RNF217: variants seen among roughly 807,000 people sequenced by gnomAD.
RNF217 encodes the protein ring finger protein 217.
In RNF217, 31 loss-of-function variants were observed where a neutral mutation model predicts 57.8. That is an observed-to-expected ratio of 0.54 (90% confidence interval 0.40 to 0.72). The LOEUF is 0.72. RNF217 is among the 30% of genes least tolerant of loss of function. The probability of loss-of-function intolerance (pLI) is 0.00; values close to 1 mark genes in which losing one functional copy is unlikely to be tolerated. For missense variants in RNF217, 696 were observed against 708.3 expected (o/e 0.98, Z 0.20); for synonymous variants, 313 against 294.0 (o/e 1.06, Z -0.66).
At chr6:125,047,935 T>C (rs1037684927) in intron 2 of RNF217, among the ~76,000 whole-genome samples, 6 of 152,124 alleles carry the variant, frequency 3.9e-5, no homozygotes, top group Admixed American at 3.9e-4. Context: ...TACTCTTCTT[T>C]ACTAGTGTAG....
At chr6:125,027,872 TGTA>T (rs1786175351) in intron 1 of RNF217, among the ~76,000 whole-genome samples, 1 of 152,200 alleles carries the variant, frequency 6.6e-6, no homozygotes, top group African/African-American at 2.4e-5. Context: ...CGGTATCTCT[TGTA>T]GTTTTGATTT....
At chr6:125,081,122 TC>T (rs548603868) in intron 4 of RNF217, among the ~76,000 whole-genome samples, 2 of 152,030 alleles carry the variant, frequency 1.3e-5, no homozygotes, top group Non-Finnish European at 2.9e-5. Context: ...ATGGAAAGGA[TC>T]TTAAGGAAAA....
At chr6:124,970,313 G>A (rs936753862) in intron 1 of RNF217, among the ~76,000 whole-genome samples, 3 of 152,188 alleles carry the variant, frequency 2.0e-5, no homozygotes, top group Non-Finnish European at 2.9e-5. Context: ...AGACAATACA[G>A]TTCAGACTAG....
chr6:125,019,573 A>G (rs1487799840), intron 1 of RNF217, among the ~76,000 whole-genome samples: 2 of 152,186 alleles, frequency 1.3e-5, no homozygotes, highest in Non-Finnish European at 2.9e-5. Context: ...CTAATTACAA[A>G]TTAATTTTTA....
At chr6:125,053,473 A>G (rs111520357) in intron 2 of RNF217, among the ~76,000 whole-genome samples, 1,635 of 152,238 alleles carry the variant, frequency 0.011, 22 homozygotes, top group African/African-American at 0.033. Flanking sequence ...TTGCAGTGCT[A>G]CTTTACACAT....
intron 1 of RNF217, among the ~76,000 whole-genome samples, chr6:125,013,304 G>T (rs1433012865): frequency 2.6e-5 from 4 of 151,350 alleles, no homozygotes; most frequent in African/African-American, 9.7e-5. Flanking sequence ...TAAGAGGAAG[G>T]GTAGGAATAG....
At position 125,081,603 on chromosome 6, in the gene RNF217, G is replaced by A; in HGVS notation, c.1555+96G>A. ...AATAATATGAATCAGTTATTAAGTGGACATAATTTATGTTGTATGCCTGCT... is the reference window on the plus strand; with the variant it reads ...AATAATATGAATCAGTTATTAAGTGAACATAATTTATGTTGTATGCCTGCT... On this transcript the variant is annotated intron_variant, in intron 5 of 5. Transcript: ENST00000521654. The A allele has an allele frequency of 4.0e-6, 4 of 992,840 alleles. No homozygotes were observed. The South Asian group carries it at 6.1e-5, about 15-fold the overall frequency. The allele number at this position is 992,840 out of a possible 1,614,324, so 61.5% of individuals were successfully genotyped here.
intron 1 of RNF217, among the ~76,000 whole-genome samples, chr6:125,030,356 A>T (rs113064255): frequency 0.011 from 1,620 of 152,222 alleles, 36 homozygotes; most frequent in African/African-American, 0.038. Context: ...GTCTTAACTC[A>T]TTTCAGCATT....
At chr6:125,079,955 G>A (rs1788513841) in intron 4 of RNF217, among the ~76,000 whole-genome samples, 1 of 151,884 alleles carries the variant, frequency 6.6e-6, no homozygotes, top group African/African-American at 2.4e-5. Flanking sequence ...TTTTGAACAT[G>A]GATTACATAA....
At chr6:125,009,453 A>G (rs1785334637) in intron 1 of RNF217, 2 of 498,944 alleles carry the variant, frequency 4.0e-6, no homozygotes, top group South Asian at 4.3e-5. Context: ...ATCTCTTTCT[A>G]GAAAGAATGT....
chr6:125,003,898 C>T (rs960173723), intron 1 of RNF217, among the ~76,000 whole-genome samples: 18 of 151,988 alleles, frequency 1.2e-4, no homozygotes, highest in African/African-American at 3.4e-4. Flanking sequence ...GGTTCAGATA[C>T]GTTAGGGAAG....
chr6:125,063,778 A>C lies in RNF217; in HGVS notation c.1281+5672A>C, dbSNP rs116792511. Reference sequence around the variant, plus strand: ...TAATTACCACCATTTCAAGATGCAGAACCAGTTTCAGAGAGTTTAAGTAAT... The same window carrying C: ...TAATTACCACCATTTCAAGATGCAGCACCAGTTTCAGAGAGTTTAAGTAAT... On this transcript the variant is annotated intron_variant, in intron 3 of 5. Coordinates refer to ENST00000521654, the MANE Select transcript of RNF217 (RefSeq NM_001286398.3). 3.5e-3 allele frequency among the ~76,000 whole-genome samples: 533 copies of C among 152,302 alleles called. 3 individuals are homozygous for C. The highest frequency in any genetic ancestry group is 0.012 in the African/African-American group (501 of 41,586).
intron 1 of RNF217, among the ~76,000 whole-genome samples, chr6:124,985,682 T>A (rs1310296605): frequency 6.6e-6 from 1 of 152,116 alleles, no homozygotes; most frequent in Non-Finnish European, 1.5e-5. Context: ...AGCCACAATA[T>A]ATTGTTCAGA....
At chr6:125,074,293 A>G (rs1788266280) in intron 3 of RNF217, among the ~76,000 whole-genome samples, 1 of 132,062 alleles carries the variant, frequency 7.6e-6, no homozygotes, top group African/African-American at 2.8e-5. Context: ...TAGACAGAAG[A>G]TAGGTAGATA....
chr6:125,061,060 A>G (rs903309687), intron 3 of RNF217, among the ~76,000 whole-genome samples: 2 of 152,224 alleles, frequency 1.3e-5, no homozygotes, highest in South Asian at 4.1e-4. Flanking sequence ...TTCCTCCACT[A>G]TTGGATACCA....
chr6:125,031,227 GTGA>G (rs1212570776), intron 1 of RNF217, among the ~76,000 whole-genome samples: 1 of 152,240 alleles, frequency 6.6e-6, no homozygotes, highest in African/African-American at 2.4e-5. Flanking sequence ...CTCCAGGCCT[GTGA>G]TGCTAGGAGC....
intron 1 of RNF217, among the ~76,000 whole-genome samples, chr6:125,034,628 G>A (rs1359427492): frequency 1.2e-3 from 182 of 152,220 alleles, no homozygotes; most frequent in African/African-American, 4.0e-3. Flanking sequence ...GTCAGGTAGC[G>A]TGATGCCTCC....
intron 1 of RNF217, among the ~76,000 whole-genome samples, chr6:125,002,271 C>A (rs1370925415): frequency 6.6e-6 from 1 of 152,122 alleles, no homozygotes; most frequent in Non-Finnish European, 1.5e-5. Context: ...CTGCCACTTT[C>A]CAGGCACCGG....
intron 1 of RNF217, among the ~76,000 whole-genome samples, chr6:125,026,812 C>G (rs567011021): frequency 6.6e-5 from 10 of 152,064 alleles, no homozygotes; most frequent in African/African-American, 2.4e-4. Context: ...CAAATCATCT[C>G]CCTTACTGGA....
Sources: gnomAD v4.1 joint callset for allele counts (sites outside exome capture counted in the v4.1 genomes callset) on GRCh38, gnomAD v4.1.1 for gene constraint, MANE v1.5 for transcripts, NCBI Gene and HGNC (gene_info 2026-07-23, HGNC 2026-07-21) for gene names.